TRIM48: variants seen among roughly 807,000 people sequenced by gnomAD.
The protein encoded by TRIM48 is E3 ubiquitin-protein ligase TRIM48.
Under a neutral mutation model 29.5 loss-of-function variants are expected in TRIM48, and 31 were observed. The observed-to-expected ratio is 1.05, with a 90% CI of 0.79 to 1.42. TRIM48 has a LOEUF of 1.42. TRIM48 is among the 40% of genes most tolerant of loss of function. The pLI is 0.00. For missense variants in TRIM48, 344 were observed against 265.0 expected, an observed-to-expected ratio of 1.30 and a Z score of -2.07; for synonymous variants, 128 against 90.6, an observed-to-expected ratio of 1.41 and a Z score of -2.34.
In TRIM48 at chr11:55,267,270, A is replaced by G. The variant is rs1377627425; in HGVS notation, c.556-1080A>G. On this transcript the variant is annotated intron_variant, in intron 3 of 5. Transcript: ENST00000417545. ...TCTTTATGCAGAAAGAAAGGAAAGG[A>G]AAAAATTTGTGGATTCTAAGAACTG... The G allele has an allele frequency of 2.9e-6, 3 of 1,031,004 alleles. 1 individual carries two copies. In the African/African-American group the frequency reaches 4.9e-5, roughly 17 times the overall value. The allele number at this position is 1,031,004 out of a possible 1,614,324, so 63.9% of individuals were successfully genotyped here.
At position 55,270,507 on chromosome 11, in the gene TRIM48, T is replaced by C. The variant is rs1004034298; in HGVS notation, c.*72T>C. The C allele has an allele frequency of 1.1e-5, 17 of 1,577,468 alleles. 3 individuals carry two copies. Among genetic ancestry groups the C allele is most frequent in the Admixed American group, 3.4e-5 (2 of 58,188 alleles). On this transcript the variant is annotated 3_prime_UTR_variant, in exon 6 of 6. Coordinates refer to ENST00000417545, the MANE Select transcript of TRIM48 (RefSeq NM_024114.5). ...GATGTGGAGATTTGAGAAGCATTTG[T>C]ATTGGATGTGACCGTCAAAATCCGC... is the stretch of plus-strand genomic sequence containing the variant.
At chr11:55,265,810 A>AAT in intron 3 of TRIM48, 115 bp downstream of exon 3, 1 of 1,199,988 alleles carries the variant, frequency 8.3e-7, no homozygotes, top group Non-Finnish European at 1.1e-6. Context: ...AAAAAAAAAA[A>AAT]AAAGAGAAGA....
intron 1 of TRIM48, among the ~76,000 whole-genome samples, 153 bp from the exon 2 acceptor site, chr11:55,264,747 T>A (rs1430631444): frequency 6.8e-6 from 1 of 147,826 alleles, no homozygotes; most frequent in Non-Finnish European, 1.5e-5. Flanking sequence ...ACTCTCTGTG[T>A]GAGATTTTTA....
At chr11:55,262,808 C>G (rs558994934) in intron 1 of TRIM48, among the ~76,000 whole-genome samples, 1 of 21,840 alleles carries the variant, frequency 4.6e-5, no homozygotes, top group Admixed American at 8.4e-4. Context: ...AATTTTTTGA[C>G]CAAATAAATA....
chr11:55,265,167 T>C lies in TRIM48; in HGVS notation c.312T>C (p.Ser104=), dbSNP rs757260833. Residue 104 remains serine (S), a synonymous_variant, in exon 2 of 6, where the codon TCT becomes TCC. Coordinates refer to ENST00000417545, the MANE Select transcript of TRIM48 (RefSeq NM_024114.5). Reference sequence around the variant, plus strand: ...CCAGTCTCTGGCTATTCCTGAGCTCTGAGGAGCAAATGTGTGGCATTCACA... The same window carrying C: ...CCAGTCTCTGGCTATTCCTGAGCTCCGAGGAGCAAATGTGTGGCATTCACA... The part of the protein sequence containing the change: ...RKASLWLFLS[S]EEQMCGIHRE... The C allele has an allele frequency of 3.8e-6, 6 of 1,582,756 alleles. No homozygotes were observed. The highest frequency in any genetic ancestry group is 1.7e-5 in the Admixed American group (1 of 58,542).
chr11:55,268,596 T>G (rs1479031927), intron 4 of TRIM48, among the ~76,000 whole-genome samples: 1 of 147,984 alleles, frequency 6.8e-6, no homozygotes, highest in South Asian at 2.4e-4. Context: ...CCTGACTTTG[T>G]TTTATTGCTT....
chr11:55,263,244 G>A (rs575897400), intron 1 of TRIM48, among the ~76,000 whole-genome samples: 11 of 152,080 alleles, frequency 7.2e-5, no homozygotes, highest in African/African-American at 2.7e-4. Context: ...ATACAGTATA[G>A]AACACGCTGT....
At position 55,264,923 on chromosome 11, in the gene TRIM48, A is replaced by C. The variant is rs141156282; in HGVS notation, c.68A>C (p.Gln23Pro). The part of the protein sequence containing the change: ...TQRNMNSGIS[Q>P]VFQRELTCPI... ...AGAAACATGAATTCTGGAATCTCGCAAGTCTTCCAGAGGGAACTCACCTGC... is the reference window on the plus strand; with the variant it reads ...AGAAACATGAATTCTGGAATCTCGCCAGTCTTCCAGAGGGAACTCACCTGC... The change falls in exon 2 of 6, where the codon CAA (glutamine) becomes CCA (proline). Residue 23 changes from glutamine to proline, a missense_variant. Transcript: ENST00000417545. 26,242 of 1,583,574 alleles carry C rather than the reference A, an allele frequency of 0.017. 2,899 individuals are homozygous for C. Among genetic ancestry groups the C allele is most frequent in the South Asian group, 0.025 (2,058 of 83,652 alleles).
At chr11:55,270,272 A>G (rs924457631) in intron 5 of TRIM48, among the ~76,000 whole-genome samples, 165 bp from the exon 6 acceptor site, 5 of 147,972 alleles carry the variant, frequency 3.4e-5, no homozygotes, top group African/African-American at 1.2e-4. Context: ...AGATAATATT[A>G]ATCATCTCTA....
intron 1 of TRIM48, among the ~76,000 whole-genome samples, chr11:55,264,519 T>G (rs1331204754): frequency 1.4e-5 from 2 of 147,694 alleles, no homozygotes; most frequent in Non-Finnish European, 3.0e-5. Flanking sequence ...GCCAAGACAG[T>G]TTTTCCCACT....
chr11:55,262,967 C>A (rs1434278426), intron 1 of TRIM48, among the ~76,000 whole-genome samples: 3 of 152,062 alleles, frequency 2.0e-5, no homozygotes, highest in South Asian at 2.1e-4. Context: ...TAAAATTCAG[C>A]AGCGTTATCA....
Position 55,266,071 on chromosome 11 carries a change from A to G in TRIM48, c.555+376A>G, listed in dbSNP as rs1293305234. 2.0e-5 allele frequency among the ~76,000 whole-genome samples: 3 copies of G among 147,762 alleles called. 1 individual carries two copies. Among genetic ancestry groups the G allele is most frequent in the Non-Finnish European group, 4.5e-5 (3 of 66,918 alleles). ...CAAGTGAACCTTCTGAGCCTGGGTC[A>G]GCATTAATCTGAATGCTGGTGGACA... is the stretch of plus-strand genomic sequence containing the variant. On this transcript the variant is annotated intron_variant, in intron 3 of 5. Coordinates refer to ENST00000417545, the MANE Select transcript of TRIM48 (RefSeq NM_024114.5).
rs1857360221 is a variant in TRIM48, at chr11:55,264,752, T to A, written c.45-148T>A. 5.9e-6 allele frequency: 8 copies of A among 1,345,750 alleles called. 1 individual carries two copies. The Admixed American group carries it at 1.4e-4, about 23-fold the overall frequency. 83.4% of individuals were successfully genotyped at this position (1,345,750 alleles called of 1,614,324 possible). A position where few individuals can be genotyped will look rare whatever the true frequency, so the allele number is the denominator to read the frequency against. ...AAGCCGGGAGACTCTCTGTGTGAGA[T>A]TTTTATTTTTGTTACAGAAGAAATA... On this transcript the variant is annotated intron_variant, in intron 1 of 5. Transcript: ENST00000417545.
At position 55,270,849 on chromosome 11, in the gene TRIM48, T is replaced by C; in HGVS notation, c.*414T>C. On this transcript the variant is annotated 3_prime_UTR_variant, in exon 6 of 6. Coordinates refer to ENST00000417545, the MANE Select transcript of TRIM48 (RefSeq NM_024114.5). ...AAGCTAGAACTGTGAGCTTCGTTGATGTTAGTCAAAGCTCCCCTATATACA... is the reference window on the plus strand; with the variant it reads ...AAGCTAGAACTGTGAGCTTCGTTGACGTTAGTCAAAGCTCCCCTATATACA... 2.5e-6 allele frequency: 4 copies of C among 1,570,278 alleles called. 2 individuals are homozygous for C. The highest frequency in any genetic ancestry group is 3.5e-6 in the Non-Finnish European group (4 of 1,154,766).
chr11:55,265,696 G>C lies in TRIM48; in HGVS notation c.555+1G>C, dbSNP rs371611905. ...AACCACCAGAATCAGCCACTGGAAG[G>C]TTAGTCCTGTAATACCCTACCTTCT... On this transcript the variant is annotated splice_donor_variant, in intron 3 of 5. Transcript: ENST00000417545. LOFTEE classifies it high-confidence loss of function. The C allele has an allele frequency of 6.3e-7, 1 of 1,576,956 alleles. No individual in the cohort carries two copies. Among genetic ancestry groups the C allele is most frequent in the Non-Finnish European group, 8.6e-7 (1 of 1,162,720 alleles).
rs1249542745 is a variant in TRIM48 at position 55,264,907 on chromosome 11, A to G, written c.52A>G (p.Asn18Asp). The G allele has an allele frequency of 6.3e-7, 1 of 1,583,310 alleles. No homozygotes were observed. Among genetic ancestry groups the G allele is most frequent in the Admixed American group, 1.7e-5 (1 of 58,528 alleles). ...GTLQRTQRNM[N>D]SGISQVFQRE... ...CTGCTCTTTCTTCCTCAGAAACATG[A>G]ATTCTGGAATCTCGCAAGTCTTCCA... Residue 18 changes from asparagine (N) to aspartate (D), a missense_variant, in exon 2 of 6, where the codon AAT (asparagine) becomes GAT (aspartate). Physicochemically the swap from Asn to Asp is conservative, Grantham distance 23. Coordinates refer to ENST00000417545, the MANE Select transcript of TRIM48 (RefSeq NM_024114.5).
At chr11:55,268,586 C>T (rs1322774187) in intron 4 of TRIM48, among the ~76,000 whole-genome samples, 2 of 146,748 alleles carry the variant, frequency 1.4e-5, no homozygotes, top group African/African-American at 5.0e-5. Flanking sequence ...CATGTTTATT[C>T]CTGACTTTGT....
Position 55,265,711 on chromosome 11 carries a change from C to A in TRIM48, c.555+16C>A, listed in dbSNP as rs186125394. 13 of 1,573,726 alleles carry A rather than the reference C, an allele frequency of 8.3e-6. 1 individual carries two copies. The Admixed American group carries it at 8.6e-5, about 10-fold the overall frequency. On this transcript the variant is annotated intron_variant, in intron 3 of 5. Coordinates refer to ENST00000417545, the MANE Select transcript of TRIM48 (RefSeq NM_024114.5). ...CCACTGGAAGGTTAGTCCTGTAATA[C>A]CCTACCTTCTCCAGGAACTTATGGT... is the stretch of plus-strand genomic sequence containing the variant.
chr11:55,262,454 A>T, intron 1 of TRIM48, 143 bp downstream of exon 1: 1 of 697,674 alleles, frequency 1.4e-6, no homozygotes, highest in Non-Finnish European at 2.4e-6. Flanking sequence ...TTTATGAATT[A>T]TGAGGATATT....
Sources: gnomAD v4.1 joint callset for allele counts (sites outside exome capture counted in the v4.1 genomes callset) on GRCh38, gnomAD v4.1.1 for gene constraint, MANE v1.5 for transcripts, NCBI Gene and HGNC (gene_info 2026-07-23, HGNC 2026-07-21) for gene names.